TRABD2B: variants seen among roughly 807,000 people sequenced by gnomAD.
TRABD2B encodes the protein TraB domain containing 2B.
TRABD2B carries 14 observed loss-of-function variants against 40.1 expected under a neutral mutation model. The observed-to-expected ratio is 0.35, with a 90% CI of 0.23 to 0.55. The LOEUF is 0.55. Ranked by LOEUF, TRABD2B falls within the 20% of genes least tolerant of loss-of-function variation. The pLI, the probability that TRABD2B is intolerant of heterozygous loss-of-function variation, is 0.90. For missense variants in TRABD2B, 541 were observed against 648.6 expected (o/e 0.83, Z 1.80); for synonymous variants, 263 against 277.0 (o/e 0.95, Z 0.50).
At position 47,764,991 on chromosome 1, in the gene TRABD2B, C is replaced by T. The variant is rs558663733; in HGVS notation, c.*911G>A. ...CATTACTATTAACATCATGTGAGGC[C>T]TAAGCCCCTGTCTCTAAAACTGCCC... On this transcript the variant is annotated 3_prime_UTR_variant, in exon 7 of 7. Coordinates refer to ENST00000606738, the MANE Select transcript of TRABD2B (RefSeq NM_001194986.2). 2.0e-5 allele frequency: 3 copies of T among 152,362 alleles called. No individual in the cohort carries two copies. In the East Asian group the frequency reaches 5.8e-4, roughly 29 times the overall value. 9.4% of individuals were successfully genotyped at this position (152,362 alleles called of 1,614,324 possible).
chr1:47,973,322 C>T (rs1438282532), intron 2 of TRABD2B, among the ~76,000 whole-genome samples: 2 of 152,212 alleles, frequency 1.3e-5, no homozygotes, highest in African/African-American at 2.4e-5. Flanking sequence ...TTGATATTTG[C>T]ATCTCCTATT....
At chr1:47,992,144 C>T (rs1646021361) in intron 2 of TRABD2B, among the ~76,000 whole-genome samples, 1 of 152,090 alleles carries the variant, frequency 6.6e-6, no homozygotes, top group Middle Eastern at 3.2e-3. Context: ...AGGAGCTGGA[C>T]CAAAGAACAA....
chr1:47,796,683 T>C (rs1358700253), intron 3 of TRABD2B, among the ~76,000 whole-genome samples: 19 of 152,218 alleles, frequency 1.2e-4, no homozygotes, highest in Non-Finnish European at 1.2e-4. Context: ...GACAATAATA[T>C]GGCTGATGTC....
At chr1:47,973,190 G>A (rs1645705756) in intron 2 of TRABD2B, among the ~76,000 whole-genome samples, 2 of 152,230 alleles carry the variant, frequency 1.3e-5, no homozygotes, top group South Asian at 2.1e-4. Flanking sequence ...ACTAGGAAAG[G>A]CTAGAAGGTA....
chr1:47,868,959 C>G (rs997198179), intron 2 of TRABD2B, among the ~76,000 whole-genome samples: 1 of 152,192 alleles, frequency 6.6e-6, no homozygotes, highest in Non-Finnish European at 1.5e-5. Context: ...GGTCCTCACT[C>G]TGGACTCTGC....
intron 2 of TRABD2B, among the ~76,000 whole-genome samples, chr1:47,992,826 C>T (rs1383986800): frequency 6.6e-6 from 1 of 152,218 alleles, no homozygotes; most frequent in Non-Finnish European, 1.5e-5. Flanking sequence ...GCCACTGGGG[C>T]CCTCTGGGTA....
At position 47,760,635 on chromosome 1, in the gene TRABD2B, CTT is replaced by C. The variant is rs1468522366; in HGVS notation, c.*5265_*5266del. The C allele has an allele frequency of 6.6e-6, 1 of 152,224 alleles. No homozygotes were observed. 9.4% of individuals were successfully genotyped at this position (152,224 alleles called of 1,614,324 possible). ...CTTCTATTTATACTCTTAAAGGACT[CTT>C]CATGATAATTCACAGAGGTGAGGGG... On this transcript the variant is annotated 3_prime_UTR_variant, in exon 7 of 7. Coordinates refer to ENST00000606738, the MANE Select transcript of TRABD2B (RefSeq NM_001194986.2).
rs772483288 is a variant in TRABD2B at position 47,778,662 on chromosome 1, C to T, written c.989-118G>A. On this transcript the variant is annotated intron_variant, in intron 4 of 6. Transcript: ENST00000606738. ...CCAGTGACCTACACCAAAGTCAATG[C>T]CCCAGATTCCCTGAGAGGCAGTATA... is the stretch of plus-strand genomic sequence containing the variant. The T allele has an allele frequency of 1.6e-4, 114 of 711,662 alleles. 1 individual carries two copies. In the South Asian group the frequency reaches 1.7e-3, roughly 11 times the overall value. The allele number at this position is 711,662 out of a possible 1,614,324, so 44.1% of individuals were successfully genotyped here. A position where few individuals can be genotyped will look rare whatever the true frequency, so the allele number is the denominator to read the frequency against.
At chr1:47,889,960 C>G (rs772655249) in intron 2 of TRABD2B, among the ~76,000 whole-genome samples, 20 of 152,192 alleles carry the variant, frequency 1.3e-4, no homozygotes, top group Admixed American at 5.9e-4. Context: ...AAATTATTAG[C>G]TCCCTTTGTT....
rs1452203233 is a variant in TRABD2B, at chr1:47,924,554, T to G, written c.666+69480A>C. On this transcript the variant is annotated intron_variant, in intron 2 of 6. Transcript: ENST00000606738. Reference sequence around the variant, plus strand: ...GCTGGAACAGATGCACCCAGCCCTTTCTGTCCCCTGTCTAGTTCCCACCTT... The same window carrying G: ...GCTGGAACAGATGCACCCAGCCCTTGCTGTCCCCTGTCTAGTTCCCACCTT... 2.0e-5 allele frequency among the ~76,000 whole-genome samples: 3 copies of G among 152,182 alleles called. 1 individual carries two copies. The highest frequency in any genetic ancestry group is 7.2e-5 in the African/African-American group (3 of 41,444).
intron 2 of TRABD2B, among the ~76,000 whole-genome samples, chr1:47,984,384 C>A (rs1410418645): frequency 6.6e-6 from 1 of 152,254 alleles, no homozygotes; most frequent in African/African-American, 2.4e-5. Flanking sequence ...AGGAAACGTG[C>A]ACTTGCGCTC....
chr1:47,838,271 T>C (rs1255422295), intron 2 of TRABD2B, among the ~76,000 whole-genome samples: 1 of 152,218 alleles, frequency 6.6e-6, no homozygotes, highest in Non-Finnish European at 1.5e-5. Context: ...CAAAGGCATC[T>C]GGGCAAGAAG....
intron 6 of TRABD2B, 37 bp downstream of exon 6, chr1:47,775,133 G>A (rs561530407): frequency 1.1e-5 from 14 of 1,232,584 alleles, no homozygotes; most frequent in Middle Eastern, 3.1e-4. Context: ...GGGTGCAGAC[G>A]CCCAGCTCCT....
chr1:47,915,065 A>C (rs1376009145), intron 2 of TRABD2B, among the ~76,000 whole-genome samples: 1 of 152,248 alleles, frequency 6.6e-6, no homozygotes, highest in Non-Finnish European at 1.5e-5. Context: ...CCTGAAGCAT[A>C]AGGAGGGTCT....
At chr1:47,977,769 T>G (rs1645779669) in intron 2 of TRABD2B, among the ~76,000 whole-genome samples, 1 of 150,636 alleles carries the variant, frequency 6.6e-6, no homozygotes, top group Admixed American at 6.6e-5. Flanking sequence ...TGAGGGGGAA[T>G]TGAAAAGTAT....
At chr1:47,874,246 T>A (rs112181595) in intron 2 of TRABD2B, among the ~76,000 whole-genome samples, 1 of 136,590 alleles carries the variant, frequency 7.3e-6, no homozygotes, top group Non-Finnish European at 1.6e-5. Context: ...TTAAATTGAT[T>A]AATTAATTTT....
At chr1:47,942,279 G>A (rs1427390564) in intron 2 of TRABD2B, among the ~76,000 whole-genome samples, 1 of 152,140 alleles carries the variant, frequency 6.6e-6, no homozygotes, top group African/African-American at 2.4e-5. Flanking sequence ...TGCCCTCTTT[G>A]GAAAATAAGC....
chr1:47,892,096 C>T (rs1271629047), intron 2 of TRABD2B, among the ~76,000 whole-genome samples: 1 of 152,176 alleles, frequency 6.6e-6, no homozygotes, highest in Non-Finnish European at 1.5e-5. Flanking sequence ...GAGAAGGCAA[C>T]AGAAGGGAGA....
intron 4 of TRABD2B, among the ~76,000 whole-genome samples, chr1:47,790,127 A>G (rs1420565878): frequency 6.6e-6 from 1 of 152,212 alleles, no homozygotes; most frequent in Non-Finnish European, 1.5e-5. Flanking sequence ...CTGTAAATTG[A>G]ATAAATTTAG....
Sources: gnomAD v4.1 joint callset for allele counts (sites outside exome capture counted in the v4.1 genomes callset) on GRCh38, gnomAD v4.1.1 for gene constraint, MANE v1.5 for transcripts, NCBI Gene and HGNC (gene_info 2026-07-23, HGNC 2026-07-21) for gene names.